The following PNLIPRP1 variants were observed in gnomAD, a reference collection of about 807,000 sequenced individuals.
The protein encoded by PNLIPRP1 is pancreatic lipase related protein 1.
In PNLIPRP1, 57 loss-of-function variants were observed where a neutral mutation model predicts 54.6. The observed-to-expected ratio is 1.04, with a 90% CI of 0.84 to 1.30. The LOEUF (loss-of-function observed/expected upper bound fraction) is 1.30. Among genes scored for constraint, PNLIPRP1 ranks in the 50% most tolerant of loss-of-function variants. The pLI is 0.00. For missense variants in PNLIPRP1, 567 were observed against 568.5 expected, an observed-to-expected ratio of 1.00 and a Z score of 0.03; for synonymous variants, 232 against 208.8, an observed-to-expected ratio of 1.11 and a Z score of -0.96.
chr10:116,591,841 G>GT lies in PNLIPRP1; in HGVS notation c.120_121insT (p.Pro41SerfsTer10). 1 of 1,614,194 alleles carries GT rather than the reference G, an allele frequency of 6.2e-7. No individual in the cohort carries two copies. The highest frequency in any genetic ancestry group is 8.5e-7 in the Non-Finnish European group (1 of 1,180,024). ...AGCCCTGGGGCGGGACAGCAATCAG[G>GT]CCCCTGAAAATTCTCCCCTGGAGCC... On this transcript the variant is annotated frameshift_variant, in exon 3 of 13. Coordinates refer to ENST00000358834, the MANE Select transcript of PNLIPRP1 (RefSeq NM_006229.4). LOFTEE classifies it high-confidence loss of function.
intron 4 of PNLIPRP1, chr10:116,594,401 A>G (rs1369374220): frequency 2.0e-6 from 1 of 505,858 alleles, no homozygotes; most frequent in Admixed American, 2.2e-5. Context: ...CGGAGATTGC[A>G]CCTAAGACTT....
intron 10 of PNLIPRP1, among the ~76,000 whole-genome samples, chr10:116,602,082 C>T (rs1374374782): frequency 1.9e-4 from 28 of 149,136 alleles, no homozygotes; most frequent in Non-Finnish European, 7.4e-5. Flanking sequence ...GAGGCGCAAT[C>T]TTGGCTCACT....
chr10:116,605,596 A>T (rs894032327), intron 12 of PNLIPRP1, 43 bp downstream of exon 12: 10 of 1,381,744 alleles, frequency 7.2e-6, no homozygotes, highest in Non-Finnish European at 8.8e-6. Flanking sequence ...GTTTGCAGAG[A>T]TTCATGTTAT....
intron 11 of PNLIPRP1, among the ~76,000 whole-genome samples, chr10:116,605,118 A>G (rs1391460548): frequency 1.3e-5 from 2 of 152,204 alleles, no homozygotes; most frequent in Non-Finnish European, 2.9e-5. Context: ...TACTGTACAA[A>G]TAATTCTTCC....
intron 10 of PNLIPRP1, among the ~76,000 whole-genome samples, chr10:116,602,950 T>C (rs1165865474): frequency 3.0e-5 from 4 of 134,054 alleles, no homozygotes; most frequent in African/African-American, 1.1e-4. Context: ...TATGTGTGTG[T>C]GCACATGCAC....
chr10:116,594,644 G>C (rs960205606), intron 4 of PNLIPRP1, 86 bp from the exon 5 acceptor site: 16 of 1,443,882 alleles, frequency 1.1e-5, no homozygotes, highest in Non-Finnish European at 1.5e-5. Flanking sequence ...TAGGAGAAGA[G>C]AGAAGTGGCC....
chr10:116,599,144 G>A (rs1479967069), intron 8 of PNLIPRP1, among the ~76,000 whole-genome samples: 7 of 151,916 alleles, frequency 4.6e-5, no homozygotes, highest in African/African-American at 1.7e-4. Flanking sequence ...AATTCCAGCT[G>A]CTCGAGAGGC....
intron 4 of PNLIPRP1, 29 bp downstream of exon 4, chr10:116,592,570 A>T (rs782444044): frequency 6.2e-7 from 1 of 1,613,642 alleles, no homozygotes; most frequent in South Asian, 1.1e-5. Context: ...CCCTGTGGCC[A>T]GCTGAGGCCA....
At chr10:116,606,263 T>G (rs543873614) in intron 12 of PNLIPRP1, among the ~76,000 whole-genome samples, 87 of 151,982 alleles carry the variant, frequency 5.7e-4, no homozygotes, top group African/African-American at 2.1e-3. Context: ...CTCCCCCAGG[T>G]GGGGAGGGTG....
At chr10:116,592,578 C>G in intron 4 of PNLIPRP1, 37 bp downstream of exon 4, 1 of 1,612,790 alleles carries the variant, frequency 6.2e-7, no homozygotes, top group Non-Finnish European at 8.5e-7. Flanking sequence ...CCAGCTGAGG[C>G]CAACACTTCT....
intron 4 of PNLIPRP1, chr10:116,594,425 C>T (rs1847698318): frequency 5.9e-6 from 3 of 510,070 alleles, no homozygotes; most frequent in African/African-American, 5.8e-5. Flanking sequence ...CTTTTCAAAA[C>T]AGGACTCTTT....
chr10:116,608,233 A>G (rs1212052800), intron 12 of PNLIPRP1, among the ~76,000 whole-genome samples: 3 of 152,152 alleles, frequency 2.0e-5, no homozygotes, highest in Admixed American at 6.5e-5. Flanking sequence ...TAATACCCCA[A>G]TAAGGTTATT....
chr10:116,595,990 T>C (rs1165627577), intron 5 of PNLIPRP1: 2 of 480,014 alleles, frequency 4.2e-6, no homozygotes, highest in African/African-American at 3.9e-5. Flanking sequence ...GAGGCTATGA[T>C]GTATTCGAGG....
chr10:116,597,964 T>C lies in PNLIPRP1; in HGVS notation c.694+17T>C. ...CATTCTTGGGTGAGACCTATGATGCTCCAGCTGTGAGCACGCACAACTGTG... is the reference window on the plus strand; with the variant it reads ...CATTCTTGGGTGAGACCTATGATGCCCCAGCTGTGAGCACGCACAACTGTG... On this transcript the variant is annotated intron_variant, in intron 7 of 12. Transcript: ENST00000358834. The C allele has an allele frequency of 3.1e-6, 5 of 1,614,180 alleles. No individual in the cohort carries two copies. The highest frequency in any genetic ancestry group is 3.4e-6 in the Non-Finnish European group (4 of 1,180,012).
At chr10:116,608,031 T>C (rs1847965634) in intron 12 of PNLIPRP1, among the ~76,000 whole-genome samples, 1 of 152,066 alleles carries the variant, frequency 6.6e-6, no homozygotes, top group South Asian at 2.1e-4. Context: ...AATTTTTGTA[T>C]TTTTAGTAGA....
intron 9 of PNLIPRP1, among the ~76,000 whole-genome samples, chr10:116,600,866 C>T (rs540897052): frequency 9.8e-5 from 15 of 152,288 alleles, no homozygotes; most frequent in African/African-American, 3.6e-4. Context: ...TTTTTTAAAG[C>T]TCCTCAAATA....
At chr10:116,592,035 C>A in intron 3 of PNLIPRP1, 110 bp downstream of exon 3, 2 of 1,225,924 alleles carry the variant, frequency 1.6e-6, no homozygotes, top group Non-Finnish European at 2.3e-6. Context: ...TGCCCCACCC[C>A]ATCCCTCAAG....
chr10:116,596,260 GC>G lies in PNLIPRP1; in HGVS notation c.514del (p.Leu172TrpfsTer16). 2 of 1,614,078 alleles carry G rather than the reference GC, an allele frequency of 1.2e-6. No individual in the cohort carries two copies. The highest frequency in any genetic ancestry group is 2.7e-5 in the African/African-American group (2 of 75,046). On this transcript the variant is annotated frameshift_variant, in exon 6 of 13. Coordinates refer to ENST00000358834, the MANE Select transcript of PNLIPRP1 (RefSeq NM_006229.4). LOFTEE classifies it high-confidence loss of function. The stretch of plus-strand genomic sequence containing the variant: ...TCCAAAGTTCACCTCATTGGCCACA[GC>G]CTGGGAGCCCACGTGGCTGGAGAGG... ...PPSKVHLIGH[S>X]LGAHVAGEAG...
At chr10:116,600,944 C>T (rs1554864684) in intron 9 of PNLIPRP1, 128 bp from the exon 10 acceptor site, 3 of 794,698 alleles carry the variant, frequency 3.8e-6, no homozygotes, top group African/African-American at 1.7e-5. Context: ...AGATCATCTG[C>T]TCCAACCCCT....
Sources: gnomAD v4.1 joint callset for allele counts (sites outside exome capture counted in the v4.1 genomes callset) on GRCh38, gnomAD v4.1.1 for gene constraint, MANE v1.5 for transcripts, NCBI Gene and HGNC (gene_info 2026-07-23, HGNC 2026-07-21) for gene names.